RUSC2: variants seen among roughly 807,000 people sequenced by gnomAD.
RUSC2 encodes the protein AP-4 complex accessory subunit RUSC2.
A neutral mutation model predicts 122.2 loss-of-function variants in RUSC2; 34 were observed. The observed-to-expected ratio is 0.28, with a 90% CI of 0.21 to 0.37. The LOEUF is 0.37. Ranked by LOEUF, RUSC2 falls within the 10% of genes least tolerant of loss-of-function variation. RUSC2 has a pLI of 1.00. For missense variants in RUSC2, 1,747 were observed against 1,952.4 expected (o/e 0.89, Z 1.98); for synonymous variants, 784 against 790.0 (o/e 0.99, Z 0.13).
At chr9:35,537,788 G>A (rs1336891197) in intron 1 of RUSC2, among the ~76,000 whole-genome samples, 1 of 152,196 alleles carries the variant, frequency 6.6e-6, no homozygotes, top group African/African-American at 2.4e-5. Context: ...CACCTTGGGA[G>A]GAACCCTAGG....
At chr9:35,542,915 T>C (rs184819289) in intron 1 of RUSC2, among the ~76,000 whole-genome samples, 79 of 152,346 alleles carry the variant, frequency 5.2e-4, no homozygotes, top group Non-Finnish European at 9.3e-4. Context: ...TACATTCTTT[T>C]ATGTGATACT....
intron 1 of RUSC2, among the ~76,000 whole-genome samples, chr9:35,540,816 G>A (rs1821628652): frequency 6.6e-6 from 1 of 152,108 alleles, no homozygotes; most frequent in African/African-American, 2.4e-5. Flanking sequence ...CATTTTCTTT[G>A]GAAGGCCGTT....
chr9:35,555,187 C>T lies in RUSC2; in HGVS notation c.2142C>T (p.His714=), dbSNP rs773506860. The T allele has an allele frequency of 1.9e-6, 3 of 1,613,514 alleles. No homozygotes were observed. Among genetic ancestry groups the T allele is most frequent in the Non-Finnish European group, 2.5e-6 (3 of 1,180,018 alleles). The change falls in exon 3 of 12, where the codon CAC becomes CAT. Residue 714 remains histidine, a synonymous_variant. Coordinates refer to ENST00000361226, the MANE Select transcript of RUSC2 (RefSeq NM_014806.5). The surrounding 1 kb of genome is among the most constrained non-coding windows in gnomAD (Gnocchi z 4.6). The part of the protein sequence containing the change: ...PKQLAKARAL[H]SLSQLYSLSG... The stretch of plus-strand genomic sequence containing the variant: ...AGCTGGCCAAGGCCCGGGCCCTCCA[C>T]AGCCTTTCCCAGCTCTACAGCCTCT...
At chr9:35,511,320 G>C (rs930393165) in intron 1 of RUSC2, among the ~76,000 whole-genome samples, 10 of 152,208 alleles carry the variant, frequency 6.6e-5, no homozygotes, top group East Asian at 3.8e-4. Context: ...TCTGGAACCT[G>C]CTGTTCTTGG....
At chr9:35,491,359 T>G (rs888262062) in intron 1 of RUSC2, among the ~76,000 whole-genome samples, 1 of 152,204 alleles carries the variant, frequency 6.6e-6, no homozygotes, top group Non-Finnish European at 1.5e-5. Flanking sequence ...CTGGATTTTC[T>G]TAGCCGGCTC....
chr9:35,538,057 C>T (rs1455724360), intron 1 of RUSC2, among the ~76,000 whole-genome samples: 3 of 152,200 alleles, frequency 2.0e-5, no homozygotes. Context: ...GGAGAGACCA[C>T]TCCCTGTTCC....
At chr9:35,516,022 A>AAGAG (rs562839170) in intron 1 of RUSC2, among the ~76,000 whole-genome samples, 24 of 127,188 alleles carry the variant, frequency 1.9e-4, no homozygotes, top group South Asian at 5.1e-4. Context: ...AAAAAAAAAA[A>AAGAG]AGAGAAATGC....
In RUSC2 at chr9:35,546,881, C is replaced by T. The variant is rs745723587; in HGVS notation, c.360C>T (p.Asp120=). ...GEPGLGDLYD[D]SIGDSATQQS... is the part of the protein sequence containing the mutation. ...CAGGACTTGGTGACCTGTATGATGA[C>T]AGCATTGGTGACAGTGCCACCCAGC... The change falls in exon 2 of 12, where the codon GAC becomes GAT. Residue 120 remains aspartate, a synonymous_variant. Transcript: ENST00000361226. This position sits in a 1 kb window ranked among gnomAD's most constrained non-coding sequence, Gnocchi z 4.3. The T allele has an allele frequency of 1.3e-6, 2 of 1,596,588 alleles. No individual in the cohort carries two copies. Among genetic ancestry groups the T allele is most frequent in the Admixed American group, 3.4e-5 (2 of 58,378 alleles).
chr9:35,515,027 C>T (rs1327273196), intron 1 of RUSC2, among the ~76,000 whole-genome samples: 2 of 152,172 alleles, frequency 1.3e-5, no homozygotes, highest in East Asian at 3.8e-4. Context: ...AGCCGAATAT[C>T]AGGGTTCTGT....
At position 35,547,982 on chromosome 9, in the gene RUSC2, C is replaced by T. The variant is rs771960547; in HGVS notation, c.1461C>T (p.Pro487=). The change falls in exon 2 of 12, where the codon CCC becomes CCT. Residue 487 remains proline, a synonymous_variant. Coordinates refer to ENST00000361226, the MANE Select transcript of RUSC2 (RefSeq NM_014806.5). This position sits in a 1 kb window ranked among gnomAD's most constrained non-coding sequence, Gnocchi z 4.6. ...AAGTATACACGAATACTTCACCCCC[C>T]AACCTCAGCACTGGACGTCAGCGCT... ...EGQVYTNTSP[P]NLSTGRQRSR... The T allele has an allele frequency of 4.3e-6, 7 of 1,614,144 alleles. No individual in the cohort carries two copies. Among genetic ancestry groups the T allele is most frequent in the Non-Finnish European group, 5.1e-6 (6 of 1,180,034 alleles).
At chr9:35,498,719 G>T (rs1015754509) in intron 1 of RUSC2, among the ~76,000 whole-genome samples, 1 of 151,450 alleles carries the variant, frequency 6.6e-6, no homozygotes, top group African/African-American at 2.4e-5. Flanking sequence ...AAATTAGCCG[G>T]GTGTGGTGGT....
chr9:35,549,087 G>A (rs117114999), intron 2 of RUSC2: 18,847 of 985,082 alleles, frequency 0.019, 184 homozygotes, highest in Non-Finnish European at 0.021. Flanking sequence ...GGACTTAGAG[G>A]CTGACATATT....
intron 2 of RUSC2, among the ~76,000 whole-genome samples, chr9:35,550,204 C>G (rs1427029648): frequency 6.7e-6 from 1 of 148,770 alleles, no homozygotes; most frequent in African/African-American, 2.5e-5. Flanking sequence ...GAGCGAAACT[C>G]CACCTCAAAA....
rs148136207 is a variant in RUSC2, at chr9:35,503,565, G to A, written c.-93+13393G>A. Reference sequence around the variant, plus strand: ...AATTGCCAATCGTGCTGCTATAAACGTGTGTACATGTGTCTTTTTCATATA... The same window carrying A: ...AATTGCCAATCGTGCTGCTATAAACATGTGTACATGTGTCTTTTTCATATA... On this transcript the variant is annotated intron_variant, in intron 1 of 11. Transcript: ENST00000361226. Among the ~76,000 whole-genome samples, 9 of 152,198 alleles carry A rather than the reference G, an allele frequency of 5.9e-5. No individual in the cohort carries two copies. The East Asian group carries it at 1.4e-3, about 23-fold the overall frequency.
chr9:35,552,860 A>G (rs1449674421), intron 2 of RUSC2, among the ~76,000 whole-genome samples: 1 of 152,238 alleles, frequency 6.6e-6, no homozygotes, highest in African/African-American at 2.4e-5. Flanking sequence ...ACTAAGACCC[A>G]TTCCCCACAG....
rs1821817131 is a variant in RUSC2, at chr9:35,548,385, T to C, written c.1864T>C (p.Cys622Arg). Residue 622 changes from cysteine to arginine, a missense_variant, in exon 2 of 12, where the codon TGT becomes CGT. Cys to Arg is a radical substitution (Grantham distance 180). Coordinates refer to ENST00000361226, the MANE Select transcript of RUSC2 (RefSeq NM_014806.5). The surrounding 1 kb of genome is among the most constrained non-coding windows in gnomAD (Gnocchi z 4.5). ...DPSPPWSTQV[C>R]QGPHSSEMPP... ...AAGTCCACCCTGGTCCACCCAGGTCTGTCAGGGACCCCACTCCAGTGAGAT... is the reference window on the plus strand; with the variant it reads ...AAGTCCACCCTGGTCCACCCAGGTCCGTCAGGGACCCCACTCCAGTGAGAT... 1 of 1,613,960 alleles carries C rather than the reference T, an allele frequency of 6.2e-7. No individual in the cohort carries two copies. Among genetic ancestry groups the C allele is most frequent in the Admixed American group, 1.7e-5 (1 of 60,010 alleles).
intron 1 of RUSC2, among the ~76,000 whole-genome samples, chr9:35,493,651 C>T (rs148523223): frequency 6.8e-4 from 103 of 152,070 alleles, no homozygotes; most frequent in African/African-American, 2.3e-3. Context: ...TACAGGTGCA[C>T]GCCACCACGC....
intron 2 of RUSC2, among the ~76,000 whole-genome samples, chr9:35,554,224 G>A (rs1169621484): frequency 6.6e-6 from 1 of 152,178 alleles, no homozygotes; most frequent in African/African-American, 2.4e-5. Flanking sequence ...GGAGTTTTGT[G>A]TTTAGTTCTG....
At chr9:35,516,373 T>C (rs909729900) in intron 1 of RUSC2, among the ~76,000 whole-genome samples, 2 of 152,018 alleles carry the variant, frequency 1.3e-5, no homozygotes, top group African/African-American at 4.8e-5. Flanking sequence ...TCCACAGCCA[T>C]ACCACATATA....
Sources: allele counts gnomAD v4.1 joint callset (sites outside exome capture counted in the v4.1 genomes callset), GRCh38; gene constraint gnomAD v4.1.1; non-coding constraint Gnocchi (gnomAD v3.1); transcripts MANE v1.5; gene names NCBI Gene and HGNC (gene_info 2026-07-23, HGNC 2026-07-21).